Variants in TMEM53 observed in about 807,000 individuals in gnomAD.
The protein encoded by TMEM53 is transmembrane protein 53, also known as novel DUF829 domain-containing protein.
In TMEM53, 14 loss-of-function variants were observed where a neutral mutation model predicts 21.4. The ratio of observed to expected loss-of-function variants is 0.65; its 90% CI spans 0.43 to 1.02. The LOEUF is 1.02. Ranked by LOEUF, TMEM53 falls within the 50% of genes least tolerant of loss-of-function variation. The pLI is 0.00. For synonymous variants in TMEM53, 148 were observed against 157.4 expected (o/e 0.94, Z 0.45); for missense variants, 323 against 383.6 (o/e 0.84, Z 1.32).
At chr1:44,660,328 G>A (rs558259711) in intron 1 of TMEM53, 33 bp from the exon 2 acceptor site, 1 of 1,593,700 alleles carries the variant, frequency 6.3e-7, no homozygotes, top group Non-Finnish European at 8.6e-7. Flanking sequence ...CAACACCAGA[G>A]CTGGGGTGGG....
chr1:44,668,224 T>C (rs936158950), intron 1 of TMEM53, among the ~76,000 whole-genome samples: 1 of 152,022 alleles, frequency 6.6e-6, no homozygotes, highest in Non-Finnish European at 1.5e-5. Context: ...GGGCGGATCA[T>C]GAGGTCAGGA....
intron 1 of TMEM53, among the ~76,000 whole-genome samples, chr1:44,663,222 T>C (rs866752430): frequency 6.6e-6 from 1 of 152,102 alleles, no homozygotes; most frequent in Non-Finnish European, 1.5e-5. Context: ...GCCCGGCTCA[T>C]TTAAAAACAC....
chr1:44,663,519 C>T (rs1471399817), intron 1 of TMEM53, among the ~76,000 whole-genome samples: 3 of 152,218 alleles, frequency 2.0e-5, no homozygotes, highest in Non-Finnish European at 4.4e-5. Flanking sequence ...AGATTACAGG[C>T]GTGAGCCACC....
chr1:44,664,723 C>T (rs1053854610), intron 1 of TMEM53, among the ~76,000 whole-genome samples: 2 of 152,168 alleles, frequency 1.3e-5, no homozygotes. Flanking sequence ...CATAAATGAC[C>T]TCATCTACCT....
intron 1 of TMEM53, among the ~76,000 whole-genome samples, chr1:44,668,609 A>G (rs1055777239): frequency 6.6e-6 from 1 of 151,920 alleles, no homozygotes; most frequent in Non-Finnish European, 1.5e-5. Flanking sequence ...TGGTGTAGTC[A>G]TGGCTCACTG....
chr1:44,662,829 T>C (rs1438726822), intron 1 of TMEM53, among the ~76,000 whole-genome samples: 2 of 152,036 alleles, frequency 1.3e-5, no homozygotes, highest in Non-Finnish European at 2.9e-5. Context: ...GCAGAGATGG[T>C]GCACTCCCAA....
At chr1:44,669,834 C>T (rs576676803) in intron 1 of TMEM53, among the ~76,000 whole-genome samples, 152 of 148,270 alleles carry the variant, frequency 1.0e-3, no homozygotes, top group African/African-American at 3.5e-3. Flanking sequence ...GTTTCGCTCT[C>T]GTTACCTAGG....
Position 44,662,624 on chromosome 1 carries a change from C to G in TMEM53, c.62-2329G>C, listed in dbSNP as rs1365659814. Among the ~76,000 whole-genome samples the G allele has an allele frequency of 3.3e-5, 5 of 152,208 alleles. No homozygotes were observed. In the East Asian group the frequency reaches 9.7e-4, roughly 29 times the overall value. ...GACCCAGCAACTCAATTTCCAAGAC[C>G]CTGTTCTGGGAGGCTCCCTTACCTC... On this transcript the variant is annotated intron_variant, in intron 1 of 2. Transcript: ENST00000372237.
rs761551863 is a variant in TMEM53, at chr1:44,654,388, CA to C, written c.*170del. On this transcript the variant is annotated 3_prime_UTR_variant, in exon 3 of 3. Transcript: ENST00000372237. This position sits in a 1 kb window ranked among gnomAD's most constrained non-coding sequence, Gnocchi z 7.0. Reference sequence around the variant, plus strand: ...TAGGATTCTGTGGTAAGCAGACCACCAGCAGACAGAGGCCCCCAGGAGACAG... The same window carrying C: ...TAGGATTCTGTGGTAAGCAGACCACCGCAGACAGAGGCCCCCAGGAGACAG... 13 of 721,744 alleles carry C rather than the reference CA, an allele frequency of 1.8e-5. No individual in the cohort carries two copies. The highest frequency in any genetic ancestry group is 2.5e-5 in the Non-Finnish European group (11 of 442,168). The allele number at this position is 721,744 out of a possible 1,614,324, so 44.7% of individuals were successfully genotyped here.
chr1:44,654,502 T>C lies in TMEM53; in HGVS notation c.*57A>G. On this transcript the variant is annotated 3_prime_UTR_variant, in exon 3 of 3. Transcript: ENST00000372237. This position sits in a 1 kb window ranked among gnomAD's most constrained non-coding sequence, Gnocchi z 7.0. The stretch of plus-strand genomic sequence containing the variant: ...AGAAGAGTGCCCGACAGATTGCAGG[T>C]TGTGGGGAGGTGTCAGGCATTTATT... 6.5e-7 allele frequency: 1 copy of C among 1,549,028 alleles called. No individual in the cohort carries two copies. The highest frequency in any genetic ancestry group is 8.8e-7 in the Non-Finnish European group (1 of 1,139,590).
At position 44,653,725 on chromosome 1, in the gene TMEM53, A is replaced by G. The variant is rs1644821302; in HGVS notation, c.*834T>C. ...AGGGCTTCGCCCTGCTGGAGCAAAGATCATAGCCCCTATCCGCAGCCTGAC... is the reference window on the plus strand; with the variant it reads ...AGGGCTTCGCCCTGCTGGAGCAAAGGTCATAGCCCCTATCCGCAGCCTGAC... On this transcript the variant is annotated 3_prime_UTR_variant, in exon 3 of 3. Transcript: ENST00000372237. The G allele has an allele frequency of 6.6e-6, 1 of 152,266 alleles. No individual in the cohort carries two copies. Among genetic ancestry groups the G allele is most frequent in the Non-Finnish European group, 1.5e-5 (1 of 68,060 alleles). The allele number at this position is 152,266 out of a possible 1,614,324, so 9.4% of individuals were successfully genotyped here.
Position 44,653,505 on chromosome 1 carries a change from C to G in TMEM53, c.*1054G>C, listed in dbSNP as rs986469065. The G allele has an allele frequency of 1.3e-5, 2 of 152,294 alleles. No individual in the cohort carries two copies. The highest frequency in any genetic ancestry group is 2.9e-5 in the Non-Finnish European group (2 of 68,092). The allele number at this position is 152,294 out of a possible 1,614,324, so 9.4% of individuals were successfully genotyped here. On this transcript the variant is annotated 3_prime_UTR_variant, in exon 3 of 3. Transcript: ENST00000372237. Reference sequence around the variant, plus strand: ...ACAATGCTGCTGCCTTCCTGCCCCCCACTGTCTCTGGCAACTTTCAGCTTG... The same window carrying G: ...ACAATGCTGCTGCCTTCCTGCCCCCGACTGTCTCTGGCAACTTTCAGCTTG...
chr1:44,661,400 TTTTC>T (rs1644901026), intron 1 of TMEM53, among the ~76,000 whole-genome samples: 1 of 139,728 alleles, frequency 7.2e-6, no homozygotes, highest in Non-Finnish European at 1.6e-5. Context: ...GCAGCTTTCT[TTTTC>T]TTTTTTTTTT....
chr1:44,674,148 G>T lies in TMEM53; in HGVS notation c.61+183C>A, dbSNP rs1046575211. On this transcript the variant is annotated intron_variant, in intron 1 of 2. Transcript: ENST00000372237. ...GGGGCTCGCCAGGGAGGAACACTCTGGGGCGGGACTTACGAGGGGCGGGGC... is the reference window on the plus strand; with the variant it reads ...GGGGCTCGCCAGGGAGGAACACTCTTGGGCGGGACTTACGAGGGGCGGGGC... The T allele has an allele frequency of 5.1e-6, 5 of 985,302 alleles. No individual in the cohort carries two copies. In the Admixed American group the frequency reaches 3.1e-4, roughly 61 times the overall value. The allele number at this position is 985,302 out of a possible 1,614,324, so 61.0% of individuals were successfully genotyped here.
At chr1:44,659,231 G>A (rs1366769581) in intron 2 of TMEM53, among the ~76,000 whole-genome samples, 6 of 152,204 alleles carry the variant, frequency 3.9e-5, no homozygotes, top group African/African-American at 1.4e-4. Context: ...TGAGTGGAGG[G>A]ATGCTGAGGG....
chr1:44,670,996 A>AAGC (rs1644995362), intron 1 of TMEM53, among the ~76,000 whole-genome samples: 2 of 152,224 alleles, frequency 1.3e-5, no homozygotes, highest in African/African-American at 4.8e-5. Flanking sequence ...GCTTGGGCCT[A>AAGC]CAGTGCTGCC....
rs757426701 is a variant in TMEM53, at chr1:44,654,886, C to T, written c.507G>A (p.Leu169=). The T allele has an allele frequency of 6.2e-7, 1 of 1,612,652 alleles. No homozygotes were observed. The highest frequency in any genetic ancestry group is 2.2e-5 in the East Asian group (1 of 44,872). Residue 169 remains leucine (L), a synonymous_variant, in exon 3 of 3, where the codon CTG becomes CTA. Transcript: ENST00000372237. The surrounding 1 kb of genome is among the most constrained non-coding windows in gnomAD (Gnocchi z 7.0). Reference sequence around the variant, plus strand: ...CAAAGGCCACCAGCAGCAACAGGCGCAGCATGGCGGCCCGGCGCTCCAGGA... The same window carrying T: ...CAAAGGCCACCAGCAGCAACAGGCGTAGCATGGCGGCCCGGCGCTCCAGGA... ...AAILERRAAM[L]RLLLLVAFAL...
At chr1:44,657,476 G>C (rs1644860616) in intron 2 of TMEM53, among the ~76,000 whole-genome samples, 1 of 152,192 alleles carries the variant, frequency 6.6e-6, no homozygotes, top group Non-Finnish European at 1.5e-5. Flanking sequence ...AAAGCTGGAA[G>C]GATATACACT....
intron 1 of TMEM53, among the ~76,000 whole-genome samples, chr1:44,665,992 A>C (rs1573229887): frequency 6.6e-6 from 1 of 152,354 alleles, no homozygotes; most frequent in South Asian, 2.1e-4. Flanking sequence ...TAAGGGAGTA[A>C]TATCCAGAAT....
Sources: allele counts gnomAD v4.1 joint callset (sites outside exome capture counted in the v4.1 genomes callset), GRCh38; gene constraint gnomAD v4.1.1; non-coding constraint Gnocchi (gnomAD v3.1); transcripts MANE v1.5; gene names NCBI Gene and HGNC (gene_info 2026-07-23, HGNC 2026-07-21).